PKD1L1: variants seen among roughly 807,000 people sequenced by gnomAD.
PKD1L1 encodes polycystin 1 like 1, transient receptor potential channel interacting, also known as polycystin-1-like protein 1.
PKD1L1 carries 236 observed loss-of-function variants against 323.4 expected under a neutral mutation model. The observed-to-expected ratio is 0.73, with a 90% CI of 0.66 to 0.81. The LOEUF is 0.81. Ranked by LOEUF, PKD1L1 falls within the 40% of genes least tolerant of loss-of-function variation. The probability of loss-of-function intolerance (pLI) is 0.00; values close to 1 mark genes in which losing one functional copy is unlikely to be tolerated. For synonymous variants in PKD1L1, 1,344 were observed against 1,335.0 expected, an observed-to-expected ratio of 1.01 and a Z score of -0.15; for missense variants, 3,320 against 3,508.0, an observed-to-expected ratio of 0.95 and a Z score of 1.35.
chr7:47,939,716 T>G (rs1219205901), intron 3 of PKD1L1, among the ~76,000 whole-genome samples: 1 of 152,174 alleles, frequency 6.6e-6, no homozygotes, highest in Non-Finnish European at 1.5e-5. Flanking sequence ...TTTCAGTGCT[T>G]TGGCTGCTGG....
At chr7:47,909,395 C>T (rs921524114) in intron 8 of PKD1L1, among the ~76,000 whole-genome samples, 1 of 152,176 alleles carries the variant, frequency 6.6e-6, no homozygotes, top group South Asian at 2.1e-4. Flanking sequence ...CGGCCGGTCT[C>T]CATCACAAAT....
intron 56 of PKD1L1, among the ~76,000 whole-genome samples, chr7:47,791,980 G>GCTTA (rs1376084209): frequency 6.6e-6 from 1 of 152,148 alleles, no homozygotes; most frequent in Non-Finnish European, 1.5e-5. Context: ...GTGACTCTAG[G>GCTTA]TCTGTGAACC....
At chr7:47,866,326 A>C in intron 25 of PKD1L1, 93 bp downstream of exon 25, 1 of 1,368,460 alleles carries the variant, frequency 7.3e-7, no homozygotes, top group Non-Finnish European at 1.0e-6. Context: ...GTGTTTCATA[A>C]GCATGACCAC....
At chr7:47,851,592 G>T (rs1344324820) in intron 31 of PKD1L1, among the ~76,000 whole-genome samples, 1 of 151,994 alleles carries the variant, frequency 6.6e-6, no homozygotes, top group East Asian at 1.9e-4. Context: ...TAAAATCATG[G>T]GGTGACAGTT....
At chr7:47,901,334 A>C (rs1180633942) in intron 13 of PKD1L1, among the ~76,000 whole-genome samples, 2 of 151,222 alleles carry the variant, frequency 1.3e-5, no homozygotes, top group African/African-American at 4.9e-5. Flanking sequence ...TCTCAAAAAA[A>C]AAAAAAAAAA....
intron 24 of PKD1L1, among the ~76,000 whole-genome samples, chr7:47,870,202 G>A (rs1174209656): frequency 2.0e-5 from 3 of 151,384 alleles, no homozygotes; most frequent in Non-Finnish European, 4.4e-5. Flanking sequence ...CAAGAGCAAA[G>A]TAAACCAGAG....
the PKD1L1 span, among the ~76,000 whole-genome samples, chr7:47,957,862 A>AAAAAATATATATATATAT: frequency 3.0e-5 from 4 of 134,666 alleles, no homozygotes; most frequent in African/African-American, 5.3e-5. Flanking sequence ...ATTAAAAAAA[A>AAAAAATATATATATATAT]ATATATATAT....
chr7:47,947,497 T>C (rs1369924995), intron 1 of PKD1L1, among the ~76,000 whole-genome samples: 1 of 152,210 alleles, frequency 6.6e-6, no homozygotes, highest in African/African-American at 2.4e-5. Flanking sequence ...ACCTGGGTCC[T>C]TACCACATCC....
intron 11 of PKD1L1, 80 bp downstream of exon 11, chr7:47,905,077 G>A (rs184726013): frequency 8.8e-6 from 13 of 1,475,758 alleles, no homozygotes; most frequent in South Asian, 2.7e-5. Flanking sequence ...AAATGCCTTC[G>A]GTAGCAGCAT....
At chr7:47,803,128 G>A (rs989394387) in intron 53 of PKD1L1, 82 bp downstream of exon 53, 45 of 1,555,516 alleles carry the variant, frequency 2.9e-5, no homozygotes, top group Non-Finnish European at 3.7e-5. Context: ...AGAGCAGTTT[G>A]TTTTTCCCTT....
intron 34 of PKD1L1, among the ~76,000 whole-genome samples, chr7:47,841,735 TG>T (rs1329935416): frequency 2.0e-5 from 3 of 152,226 alleles, no homozygotes; most frequent in African/African-American, 7.2e-5. Context: ...TCCTTCATGA[TG>T]GTCTTGTATG....
intron 31 of PKD1L1, 48 bp from the exon 32 acceptor site, chr7:47,847,119 A>G (rs371414152): frequency 5.9e-5 from 86 of 1,446,842 alleles, no homozygotes; most frequent in Admixed American, 4.7e-4. Context: ...GGTTTGCAGA[A>G]AGGCATTCTC....
At chr7:47,957,161 TG>T in the PKD1L1 span, 1 of 179,814 alleles carries the variant, frequency 5.6e-6, no homozygotes, top group Non-Finnish European at 1.2e-5. Flanking sequence ...CTGTAAAATG[TG>T]GAGCAGTACC....
chr7:47,862,435 T>A (rs1786053579), intron 26 of PKD1L1, among the ~76,000 whole-genome samples: 1 of 152,154 alleles, frequency 6.6e-6, no homozygotes, highest in African/African-American at 2.4e-5. Flanking sequence ...CCCGTTCCTG[T>A]ATCCATTGCC....
At chr7:47,803,647 C>T (rs763057462) in intron 52 of PKD1L1, among the ~76,000 whole-genome samples, 4 of 152,324 alleles carry the variant, frequency 2.6e-5, no homozygotes, top group East Asian at 1.9e-4. Context: ...GTCCACCCCA[C>T]GTCTGTTCTC....
intron 7 of PKD1L1, among the ~76,000 whole-genome samples, chr7:47,922,354 C>CT (rs1787562645): frequency 6.6e-6 from 1 of 152,186 alleles, no homozygotes; most frequent in East Asian, 1.9e-4. Context: ...AAGTGAGGAG[C>CT]GTCTCTGCCT....
chr7:47,780,871 C>T (rs2128721226), intron 56 of PKD1L1, among the ~76,000 whole-genome samples: 1 of 152,330 alleles, frequency 6.6e-6, no homozygotes. Context: ...TGTGAACATT[C>T]ATGTGCAGGT....
chr7:47,878,488 C>T (rs545443863), intron 21 of PKD1L1, among the ~76,000 whole-genome samples: 1 of 152,290 alleles, frequency 6.6e-6, no homozygotes, highest in Admixed American at 6.5e-5. Context: ...TCTATTGAGC[C>T]TCTGCTACAC....
intron 14 of PKD1L1, among the ~76,000 whole-genome samples, chr7:47,897,263 G>A (rs192372708): frequency 8.5e-5 from 13 of 152,300 alleles, no homozygotes; most frequent in South Asian, 2.1e-4. Context: ...ATAGGACTGC[G>A]TGCCCCACAG....
Sources: allele counts gnomAD v4.1 joint callset (sites outside exome capture counted in the v4.1 genomes callset), GRCh38; gene constraint gnomAD v4.1.1; transcripts MANE v1.5; gene names NCBI Gene and HGNC (gene_info 2026-07-23, HGNC 2026-07-21).